GEMIN5: variants seen among roughly 807,000 people sequenced by gnomAD.
GEMIN5 encodes gem nuclear organelle associated protein 5.
Under a neutral mutation model 176.9 loss-of-function variants are expected in GEMIN5, and 124 were observed. The ratio of observed to expected loss-of-function variants is 0.70; its 90% CI spans 0.61 to 0.81. The LOEUF (loss-of-function observed/expected upper bound fraction) is 0.81, where lower values mean the gene tolerates loss of function less well. Ranked by LOEUF, GEMIN5 falls within the 40% of genes least tolerant of loss-of-function variation. The probability of loss-of-function intolerance (pLI) is 0.00; values close to 1 mark genes in which losing one functional copy is unlikely to be tolerated. For missense variants in GEMIN5, 1,843 were observed against 1,814.6 expected (o/e 1.02, Z -0.28); for synonymous variants, 673 against 665.2 (o/e 1.01, Z -0.18).
At chr5:154,902,995 A>T in intron 19 of GEMIN5, 85 bp downstream of exon 19, 3 of 894,826 alleles carry the variant, frequency 3.4e-6, no homozygotes, top group Non-Finnish European at 5.4e-6. Context: ...ATAATATCAC[A>T]GGATGACAGC....
In GEMIN5 at chr5:154,911,770, G is replaced by A. The variant is rs1249015114; in HGVS notation, c.2124C>T (p.His708=). Residue 708 remains histidine (H), a synonymous_variant, in exon 15 of 28, where the codon CAC becomes CAT. Transcript: ENST00000285873. ...IYSGADDFCV[H]KWLTSMQDHS... is the part of the protein sequence containing the mutation. ...GATCTTGCATGGAAGTGAGCCACTT[G>A]TGCACACAAAAGTCATCTGCCCCTG... 1.2e-6 allele frequency: 2 copies of A among 1,613,894 alleles called. No homozygotes were observed. The highest frequency in any genetic ancestry group is 1.7e-6 in the Non-Finnish European group (2 of 1,179,750).
Position 154,892,544 on chromosome 5 carries a change from C to G in GEMIN5, c.3603G>C (p.Leu1201=), listed in dbSNP as rs1397637462. 6.2e-7 allele frequency: 1 copy of G among 1,613,806 alleles called. No individual in the cohort carries two copies. Among genetic ancestry groups the G allele is most frequent in the Admixed American group, 1.7e-5 (1 of 60,000 alleles). ...GGGTCAAGTCATGGCAAATGTGAAG[C>G]AGGAGCTGGAGAGAGAAGCCAGAGT... is the stretch of plus-strand genomic sequence containing the variant. ...ATNNTPAKQL[L]LHICHDLTLA... The change falls in exon 25 of 28, where the codon CTG becomes CTC. Residue 1201 remains leucine, a synonymous_variant. Coordinates refer to ENST00000285873, the MANE Select transcript of GEMIN5 (RefSeq NM_015465.5).
At chr5:154,888,527 T>C (rs1025295420) in intron 27 of GEMIN5, 150 bp from the exon 28 acceptor site, 2 of 624,382 alleles carry the variant, frequency 3.2e-6, no homozygotes, top group African/African-American at 1.8e-5. Context: ...GTCCTGTCTT[T>C]CTCTTCAACA....
At chr5:154,892,895 A>G (rs1176364201) in intron 24 of GEMIN5, among the ~76,000 whole-genome samples, 1 of 152,036 alleles carries the variant, frequency 6.6e-6, no homozygotes, top group Non-Finnish European at 1.5e-5. Context: ...TCAGGAGTTC[A>G]AGACCAGCCT....
chr5:154,903,485 CAAA>C (rs1186980132), intron 18 of GEMIN5, among the ~76,000 whole-genome samples: 1 of 150,096 alleles, frequency 6.7e-6, no homozygotes, highest in Admixed American at 6.6e-5. Flanking sequence ...TCCTTTGCTT[CAAA>C]AAAAAAGTCA....
At chr5:154,935,062 T>A (rs997782375) in intron 3 of GEMIN5, among the ~76,000 whole-genome samples, 6 of 152,194 alleles carry the variant, frequency 3.9e-5, no homozygotes, top group South Asian at 4.1e-4. Flanking sequence ...TACCCCTGCA[T>A]TTATCATAGT....
In GEMIN5 at chr5:154,927,379, T is replaced by G; in HGVS notation, c.1080+6A>C. On this transcript the variant is annotated splice_donor_region_variant and intron_variant, in intron 7 of 27. Transcript: ENST00000285873. ...TACAATGCTGAGTGAAAATAAGCAT[T>G]CTTACATCTCTATCCATTGATGTAG... 6.4e-7 allele frequency: 1 copy of G among 1,560,492 alleles called. No homozygotes were observed. The highest frequency in any genetic ancestry group is 1.1e-5 in the South Asian group (1 of 89,514).
intron 13 of GEMIN5, 109 bp from the exon 14 acceptor site, chr5:154,913,147 A>G (rs1383464560): frequency 5.4e-6 from 5 of 931,964 alleles, no homozygotes; most frequent in East Asian, 2.7e-5. Context: ...TTTGCCATAC[A>G]CTTTCTAGGT....
chr5:154,907,382 A>G (rs1345227657), intron 16 of GEMIN5, among the ~76,000 whole-genome samples: 1 of 152,140 alleles, frequency 6.6e-6, no homozygotes, highest in African/African-American at 2.4e-5. Context: ...GAACTTTACT[A>G]TTTCCACCAC....
rs778239929 is a variant in GEMIN5, at chr5:154,904,598, G to A, written c.2541C>T (p.Ser847=). 6.2e-7 allele frequency: 1 copy of A among 1,612,010 alleles called. No homozygotes were observed. Among genetic ancestry groups the A allele is most frequent in the Non-Finnish European group, 8.5e-7 (1 of 1,178,132 alleles). Residue 847 remains serine, a synonymous_variant, in exon 18 of 28, where the codon TCC becomes TCT. Coordinates refer to ENST00000285873, the MANE Select transcript of GEMIN5 (RefSeq NM_015465.5). ...CCAGGCTTGTACTCAGGGGAAGCAA[G>A]GAACGAGCTTTTCTCTTCTTGATTA... ...ETLIKKRKAR[S]LLPLSTSLDH...
chr5:154,902,505 TTTG>T, intron 20 of GEMIN5, 31 bp downstream of exon 20: 1 of 1,610,712 alleles, frequency 6.2e-7, no homozygotes, highest in Non-Finnish European at 8.5e-7. Context: ...TGATAGAGCT[TTTG>T]TTGAAAAGAA....
At position 154,889,371 on chromosome 5, in the gene GEMIN5, T is replaced by C; in HGVS notation, c.4309A>G (p.Arg1437Gly). 6.2e-7 allele frequency: 1 copy of C among 1,609,606 alleles called. No individual in the cohort carries two copies. The highest frequency in any genetic ancestry group is 8.5e-7 in the Non-Finnish European group (1 of 1,176,136). ...ATTCTCTGATTTGCCTCGGTAAGCC[T>C]TTTGGTTAACTCAGGCAGAGAAAGT... ...EPLSLPELTK[R>G]LTEANQRMAK... Residue 1437 changes from arginine to glycine, a missense_variant, in exon 27 of 28, where the codon AGG (arginine) becomes GGG (glycine). Arg to Gly is a moderately radical substitution (Grantham distance 125, BLOSUM62 -2). Transcript: ENST00000285873.
rs770882579 is a variant in GEMIN5 at position 154,931,529 on chromosome 5, G to A, written c.710C>T (p.Thr237Ile). 1 of 1,612,368 alleles carries A rather than the reference G, an allele frequency of 6.2e-7. No individual in the cohort carries two copies. The highest frequency in any genetic ancestry group is 8.5e-7 in the Non-Finnish European group (1 of 1,178,500). Residue 237 changes from threonine (T) to isoleucine (I), a missense_variant, in exon 5 of 28, where the codon ACA (threonine) becomes ATA (isoleucine). Transcript: ENST00000285873. ...TCCAGTGGCTAAGTAGCAACCTTTTGTTACTGGAGCTTGTGCTACAGCATT... is the reference window on the plus strand; with the variant it reads ...TCCAGTGGCTAAGTAGCAACCTTTTATTACTGGAGCTTGTGCTACAGCATT... ...NGNAVAQAPV[T>I]KGCYLATGSK...
At chr5:154,921,804 C>A (rs938036628) in intron 9 of GEMIN5, among the ~76,000 whole-genome samples, 3 of 152,152 alleles carry the variant, frequency 2.0e-5, no homozygotes, top group Non-Finnish European at 4.4e-5. Flanking sequence ...GTGCCATTAA[C>A]ATCACATTTC....
chr5:154,911,189 T>C (rs888077119), intron 15 of GEMIN5, among the ~76,000 whole-genome samples: 1 of 152,158 alleles, frequency 6.6e-6, no homozygotes, highest in African/African-American at 2.4e-5. Flanking sequence ...CAAGAAGCCA[T>C]GGACATTTTT....
At position 154,917,930 on chromosome 5, in the gene GEMIN5, C is replaced by A. The variant is rs1206702131; in HGVS notation, c.1673+1G>T. On this transcript the variant is annotated splice_donor_variant, in intron 12 of 27. Transcript: ENST00000285873. LOFTEE classifies it high-confidence loss of function. ...TTTATCTTAAAGAAGCAAATACATA[C>A]CCATCTTCATTGCCAAGAGCCATGA... The A allele has an allele frequency of 6.3e-7, 1 of 1,593,570 alleles. No homozygotes were observed. Among genetic ancestry groups the A allele is most frequent in the East Asian group, 2.2e-5 (1 of 44,758 alleles).
At chr5:154,913,116 T>A (rs1763737700) in intron 13 of GEMIN5, 78 bp from the exon 14 acceptor site, 4 of 1,202,908 alleles carry the variant, frequency 3.3e-6, no homozygotes, top group Non-Finnish European at 4.7e-6. Flanking sequence ...AGGAAGGCAT[T>A]CACATGACAA....
chr5:154,933,868 A>G (rs928306510), intron 3 of GEMIN5, among the ~76,000 whole-genome samples: 1 of 151,958 alleles, frequency 6.6e-6, no homozygotes, highest in African/African-American at 2.4e-5. Flanking sequence ...CTTTCTGTTC[A>G]TCCTCTCTAT....
intron 8 of GEMIN5, among the ~76,000 whole-genome samples, chr5:154,925,484 T>G (rs1158118074): frequency 3.9e-5 from 6 of 152,212 alleles, no homozygotes; most frequent in Admixed American, 2.0e-4. Flanking sequence ...GTTTTATAAT[T>G]GACATTTTTC....
Sources: allele counts gnomAD v4.1 joint callset (sites outside exome capture counted in the v4.1 genomes callset), GRCh38; gene constraint gnomAD v4.1.1; transcripts MANE v1.5; gene names NCBI Gene and HGNC (gene_info 2026-07-23, HGNC 2026-07-21).